The following NLRP2 variants were observed in gnomAD, a reference collection of about 807,000 sequenced individuals.
NLRP2 encodes NLR family pyrin domain containing 2, also known as NACHT, LRR and PYD domains-containing protein 2.
Under a neutral mutation model 97.2 loss-of-function variants are expected in NLRP2, and 107 were observed. That is an observed-to-expected ratio of 1.10 (90% CI 0.94 to 1.29). NLRP2 has a LOEUF of 1.29. NLRP2 is among the 50% of genes most tolerant of loss of function. The pLI is 0.00. For synonymous variants in NLRP2, 663 were observed against 551.5 expected (o/e 1.20, Z -2.83); for missense variants, 1,495 against 1,330.3 (o/e 1.12, Z -1.93).
In NLRP2 at chr19:54,989,750, G is replaced by A. The variant is rs537684478; in HGVS notation, c.2367-272G>A. The A allele has an allele frequency of 5.5e-4, 299 of 547,382 alleles. 2 individuals are homozygous for A. The highest frequency in any genetic ancestry group is 5.1e-3 in the African/African-American group (272 of 52,934). The allele number at this position is 547,382 out of a possible 1,614,324, so 33.9% of individuals were successfully genotyped here. ...TGTCATCCCAGCACTCTGGGAGGCC[G>A]AGGTGGGCAGATCACCTGAGATTGG... is the stretch of plus-strand genomic sequence containing the variant. On this transcript the variant is annotated intron_variant, in intron 8 of 12. Coordinates refer to ENST00000448584, the MANE Select transcript of NLRP2 (RefSeq NM_017852.5).
In NLRP2 at chr19:54,980,673, C is replaced by G. The variant is rs934660961; in HGVS notation, c.398-944C>G. 1.5e-4 allele frequency among the ~76,000 whole-genome samples: 23 copies of G among 152,206 alleles called. 1 individual carries two copies. Among genetic ancestry groups the G allele is most frequent in the Admixed American group, 1.5e-3 (23 of 15,260 alleles). ...TAGGGCTTGGGCTGATTGATAATGT[C>G]AACAGGGGGTTTAACTTGCGGTCTT... On this transcript the variant is annotated intron_variant, in intron 4 of 12. Coordinates refer to ENST00000448584, the MANE Select transcript of NLRP2 (RefSeq NM_017852.5).
At position 55,000,761 on chromosome 19, in the gene NLRP2, T is replaced by C. The variant is rs1236452914; in HGVS notation, c.3052T>C (p.Leu1018=). The change falls in exon 13 of 13, where the codon TTG becomes CTG. Residue 1018 remains leucine, a splice_region_variant and synonymous_variant. Coordinates refer to ENST00000448584, the MANE Select transcript of NLRP2 (RefSeq NM_017852.5). ...TTTTCTTCCCCCATTGTACCCCAGG[T>C]TGAAAATCGATGACTTTAATGATGA... ...CSSGTLRTLR[L]KIDDFNDELN... is the part of the protein sequence containing the mutation. The C allele has an allele frequency of 6.2e-7, 1 of 1,613,496 alleles. No individual in the cohort carries two copies. Among genetic ancestry groups the C allele is most frequent in the Non-Finnish European group, 8.5e-7 (1 of 1,179,700 alleles).
rs760164961 is a variant in NLRP2 at position 54,977,852 on chromosome 19, T to C, written c.397+29T>C. On this transcript the variant is annotated intron_variant, in intron 4 of 12. Transcript: ENST00000448584. ...GGTGTCAGGACCTCCAATGTTGGAG[T>C]CAGCTGAGGAAGCCCCCCGTTCTTG... The C allele has an allele frequency of 1.9e-6, 3 of 1,605,824 alleles. No homozygotes were observed. In the East Asian group the frequency reaches 6.7e-5, roughly 36 times the overall value.
At chr19:54,988,665 A>C (rs1056481924) in intron 8 of NLRP2, among the ~76,000 whole-genome samples, 2 of 152,032 alleles carry the variant, frequency 1.3e-5, no homozygotes, top group African/African-American at 4.8e-5. Flanking sequence ...GATTACAGCC[A>C]TGTGCCACCA....
At chr19:54,975,101 GTTTTGTTTTTTTTTTTTTTTTTT>G (rs2071118773) in intron 3 of NLRP2, among the ~76,000 whole-genome samples, 1 of 83,086 alleles carries the variant, frequency 1.2e-5, no homozygotes, top group Non-Finnish European at 2.5e-5. Context: ...ACCACACCCG[GTTTTGTTTTTTTTTTTTTTTTTT>G]TTTTTTTTTT....
At chr19:54,966,708 G>A (rs2070445005) in intron 1 of NLRP2, among the ~76,000 whole-genome samples, 1 of 151,586 alleles carries the variant, frequency 6.6e-6, no homozygotes. Flanking sequence ...ACTATGCCCA[G>A]CTAATTTTTT....
Position 54,989,832 on chromosome 19 carries a change from A to C in NLRP2, c.2367-190A>C, listed in dbSNP as rs202024438. On this transcript the variant is annotated intron_variant, in intron 8 of 12. Transcript: ENST00000448584. Reference sequence around the variant, plus strand: ...GACCCCCACCTCTACTGAAAATACAAAATTAGCTGGGCATGTTGGTGCATG... The same window carrying C: ...GACCCCCACCTCTACTGAAAATACACAATTAGCTGGGCATGTTGGTGCATG... 9 of 635,548 alleles carry C rather than the reference A, an allele frequency of 1.4e-5. No individual in the cohort carries two copies. In the East Asian group the frequency reaches 2.2e-4, roughly 15 times the overall value. 39.4% of individuals were successfully genotyped at this position (635,548 alleles called of 1,614,324 possible).
chr19:54,970,776 T>C (rs1171721300), intron 2 of NLRP2, among the ~76,000 whole-genome samples: 2 of 148,934 alleles, frequency 1.3e-5, no homozygotes, highest in African/African-American at 4.9e-5. Context: ...ACTTCTTTTT[T>C]TTTTTTTTTT....
At chr19:54,984,928 T>TG in intron 6 of NLRP2, 119 bp from the exon 7 acceptor site, 1 of 933,632 alleles carries the variant, frequency 1.1e-6, no homozygotes, top group Non-Finnish European at 1.7e-6. Flanking sequence ...TAATAAGTGA[T>TG]TACATGGTCC....
At chr19:54,998,512 G>GAC (rs1049529409) in intron 12 of NLRP2, among the ~76,000 whole-genome samples, 7 of 151,210 alleles carry the variant, frequency 4.6e-5, no homozygotes, top group African/African-American at 1.7e-4. Context: ...AAGACATATG[G>GAC]ACACTAAGGG....
At position 54,986,340 on chromosome 19, in the gene NLRP2, C is replaced by G. The variant is rs372614401; in HGVS notation, c.2366+25C>G. On this transcript the variant is annotated intron_variant, in intron 8 of 12. Coordinates refer to ENST00000448584, the MANE Select transcript of NLRP2 (RefSeq NM_017852.5). The stretch of plus-strand genomic sequence containing the variant: ...GGTATATCTCTTAATCATTAAAATC[C>G]TTCATCATACAAACATAAGCTACCA... 1.1e-5 allele frequency: 18 copies of G among 1,603,784 alleles called. No homozygotes were observed. The African/African-American group carries it at 2.4e-4, about 21-fold the overall frequency.
Position 54,997,042 on chromosome 19 carries a change from G to A in NLRP2, c.2880-275G>A, listed in dbSNP as rs1195807055. Among the ~76,000 whole-genome samples the A allele has an allele frequency of 2.0e-5, 3 of 152,086 alleles. No homozygotes were observed. In the East Asian group the frequency reaches 5.8e-4, roughly 29 times the overall value. On this transcript the variant is annotated intron_variant, in intron 11 of 12. Transcript: ENST00000448584. ...CCTGCCCCAGCCTCCTGAGTAGCTG[G>A]GATTACAGGTGCCTGTCACCACGCC...
chr19:54,981,514 C>CCCCCCCCCCCCCCCCCCCCA lies in NLRP2; in HGVS notation c.398-101_398-100insCCCCCCCCCCCCCCCCCACC. On this transcript the variant is annotated intron_variant, in intron 4 of 12. Transcript: ENST00000448584. ...TTTGCTTTATCTGATCCCGTGCCCC[C>CCCCCCCCCCCCCCCCCCCCA]CCTCCCCCCCGCCCCATCAGCCTGC... 1.1e-5 allele frequency: 3 copies of CCCCCCCCCCCCCCCCCCCCA among 266,620 alleles called. 1 individual carries two copies. The highest frequency in any genetic ancestry group is 3.2e-5 in the South Asian group (1 of 31,420). 16.5% of individuals were successfully genotyped at this position (266,620 alleles called of 1,614,324 possible). A position where few individuals can be genotyped will look rare whatever the true frequency, so the allele number is the denominator to read the frequency against.
chr19:54,990,707 T>A, intron 10 of NLRP2, 35 bp downstream of exon 10: 1 of 1,610,458 alleles, frequency 6.2e-7, no homozygotes, highest in African/African-American at 1.3e-5. Context: ...TGCGTGGGTG[T>A]ATATGCACAC....
intron 1 of NLRP2, among the ~76,000 whole-genome samples, chr19:54,968,961 A>G (rs1404381172): frequency 1.3e-5 from 2 of 151,938 alleles, no homozygotes; most frequent in Non-Finnish European, 2.9e-5. Flanking sequence ...TCGGCCTCCC[A>G]AAGTGCTGGG....
At chr19:54,993,882 T>C in intron 10 of NLRP2, 1 of 308,318 alleles carries the variant, frequency 3.2e-6, no homozygotes, top group Non-Finnish European at 6.2e-6. Flanking sequence ...TTCCTTGGCT[T>C]GTGGCCCTTC....
intron 2 of NLRP2, among the ~76,000 whole-genome samples, chr19:54,972,997 A>G (rs2070963504): frequency 6.6e-6 from 1 of 151,936 alleles, no homozygotes; most frequent in Non-Finnish European, 1.5e-5. Context: ...GAGACCAGTC[A>G]GGCCAATGTG....
At position 54,975,478 on chromosome 19, in the gene NLRP2, GTCTC is replaced by G. The variant is rs1353510731; in HGVS notation, c.325+940_325+943del. On this transcript the variant is annotated intron_variant, in intron 3 of 12. Coordinates refer to ENST00000448584, the MANE Select transcript of NLRP2 (RefSeq NM_017852.5). ...TTATTTTTTTTTTTTTTGAGATAGA[GTCTC>G]TCTCTGTTGCCCAGGCTGGAGTGCA... is the stretch of plus-strand genomic sequence containing the variant. Among the ~76,000 whole-genome samples the G allele has an allele frequency of 7.1e-5, 10 of 141,294 alleles. 1 individual carries two copies. Among genetic ancestry groups the G allele is most frequent in the African/African-American group, 2.5e-4 (9 of 36,678 alleles). The allele number at this position is 141,294 out of a possible 152,430, so 92.7% of individuals were successfully genotyped here.
Position 55,000,895 on chromosome 19 carries a change from C to T in NLRP2, c.3186C>T (p.Ile1062=). Residue 1062 remains isoleucine, a synonymous_variant, in exon 13 of 13, where the codon ATC becomes ATT. Coordinates refer to ENST00000448584, the MANE Select transcript of NLRP2 (RefSeq NM_017852.5). ...AERPSSHDFM[I] is the part of the protein sequence containing the mutation. ...GGCCTTCTTCTCATGACTTCATGAT[C>T]TGAATCCCCCCGAGTCATTCATTCT... The T allele has an allele frequency of 6.2e-7, 1 of 1,613,648 alleles. No homozygotes were observed. Among genetic ancestry groups the T allele is most frequent in the Non-Finnish European group, 8.5e-7 (1 of 1,179,666 alleles).
Sources: allele counts gnomAD v4.1 joint callset (sites outside exome capture counted in the v4.1 genomes callset), GRCh38; gene constraint gnomAD v4.1.1; transcripts MANE v1.5; gene names NCBI Gene and HGNC (gene_info 2026-07-23, HGNC 2026-07-21).